CENPH: variants seen among roughly 807,000 people sequenced by gnomAD.
CENPH encodes centromere protein H.
CENPH carries 40 observed loss-of-function variants against 42.9 expected under a neutral mutation model. The observed-to-expected ratio is 0.93, with a 90% CI of 0.72 to 1.21. The LOEUF (loss-of-function observed/expected upper bound fraction) is 1.21, where lower values mean the gene tolerates loss of function less well. CENPH is among the 50% of genes most tolerant of loss of function. The pLI, the probability that CENPH is intolerant of heterozygous loss-of-function variation, is 0.00. For synonymous variants in CENPH, 88 were observed against 96.5 expected (o/e 0.91, Z 0.52); for missense variants, 302 against 292.9 (o/e 1.03, Z -0.23).
chr5:69,204,071 A>AT (rs1418890038), intron 7 of CENPH, among the ~76,000 whole-genome samples: 2 of 56,486 alleles, frequency 3.5e-5, no homozygotes, highest in African/African-American at 7.7e-5. Flanking sequence ...AAATATATAT[A>AT]ATATATAAAT....
chr5:69,204,208 T>C (rs902527237), intron 7 of CENPH, among the ~76,000 whole-genome samples: 1 of 150,338 alleles, frequency 6.7e-6, no homozygotes, highest in South Asian at 2.1e-4. Flanking sequence ...CAATACACAC[T>C]GTAGAACATT....
At chr5:69,208,897 C>T (rs749003228) in intron 8 of CENPH, among the ~76,000 whole-genome samples, 16 of 151,788 alleles carry the variant, frequency 1.1e-4, no homozygotes, top group Non-Finnish European at 1.8e-4. Context: ...TGGGTTCAAG[C>T]GATTCTCCTG....
At chr5:69,192,806 T>A (rs532364913) in intron 2 of CENPH, among the ~76,000 whole-genome samples, 1 of 152,152 alleles carries the variant, frequency 6.6e-6, no homozygotes, top group East Asian at 1.9e-4. Context: ...ATTTAAAAAA[T>A]ATATATATGG....
chr5:69,194,789 C>A lies in CENPH; in HGVS notation c.239+94C>A, dbSNP rs1747936534. 10 of 773,486 alleles carry A rather than the reference C, an allele frequency of 1.3e-5. No individual in the cohort carries two copies. In the South Asian group the frequency reaches 1.8e-4, roughly 14 times the overall value. The allele number at this position is 773,486 out of a possible 1,614,324, so 47.9% of individuals were successfully genotyped here. A position where few individuals can be genotyped will look rare whatever the true frequency, so the allele number is the denominator to read the frequency against. Reference sequence around the variant, plus strand: ...TGTTAGATGGAGTCTCACTATCATGCAGGCTAGAGTGCAGTGGTGTGATCA... The same window carrying A: ...TGTTAGATGGAGTCTCACTATCATGAAGGCTAGAGTGCAGTGGTGTGATCA... On this transcript the variant is annotated intron_variant, in intron 3 of 8. Transcript: ENST00000283006.
chr5:69,206,917 A>G (rs1240634163), intron 7 of CENPH, among the ~76,000 whole-genome samples: 3 of 151,976 alleles, frequency 2.0e-5, no homozygotes, highest in Non-Finnish European at 2.9e-5. Flanking sequence ...GGGTCTTGCT[A>G]TGTTTCCCAG....
chr5:69,192,650 C>T (rs1747895653), intron 2 of CENPH, among the ~76,000 whole-genome samples: 1 of 152,140 alleles, frequency 6.6e-6, no homozygotes, highest in Non-Finnish European at 1.5e-5. Flanking sequence ...TATGGTGATA[C>T]ATACCTATAG....
At position 69,199,510 on chromosome 5, in the gene CENPH, C is replaced by T. The variant is rs1385329894; in HGVS notation, c.371+2401C>T. On this transcript the variant is annotated intron_variant, in intron 5 of 8. Transcript: ENST00000283006. ...GTTTATATAGCAGGGAAGATATGTA[C>T]CCATGTATGGGAAGACAGGAATTAG... 2.6e-5 allele frequency among the ~76,000 whole-genome samples: 4 copies of T among 151,952 alleles called. No individual in the cohort carries two copies. The South Asian group carries it at 6.3e-4, about 24-fold the overall frequency.
At chr5:69,195,072 A>G (rs1245994086) in intron 3 of CENPH, among the ~76,000 whole-genome samples, 1 of 152,108 alleles carries the variant, frequency 6.6e-6, no homozygotes, top group African/African-American at 2.4e-5. Context: ...TCTACTGAAA[A>G]TACAAAATTA....
intron 5 of CENPH, among the ~76,000 whole-genome samples, chr5:69,197,936 T>C (rs1191755727): frequency 1.6e-4 from 22 of 141,208 alleles, no homozygotes; most frequent in African/African-American, 5.8e-4. Context: ...TTTTTTTTTT[T>C]TTTTGAGACA....
Position 69,209,794 on chromosome 5 carries a change from A to G in CENPH, c.739A>G (p.Met247Val). Residue 247 changes from methionine (M) to valine (V), a missense_variant, in exon 9 of 9, where the codon ATG (methionine) becomes GTG (valine). Transcript: ENST00000283006. ...VLQLEKNVDM[M>V] ...GCAGCTTGAGAAGAATGTTGACATGATGTAATAAGAATTCATTTCTGACAT... is the reference window on the plus strand; with the variant it reads ...GCAGCTTGAGAAGAATGTTGACATGGTGTAATAAGAATTCATTTCTGACAT... The G allele has an allele frequency of 6.4e-7, 1 of 1,552,062 alleles. No homozygotes were observed. Among genetic ancestry groups the G allele is most frequent in the Non-Finnish European group, 8.9e-7 (1 of 1,125,726 alleles).
At chr5:69,203,102 A>G in intron 7 of CENPH, 132 bp downstream of exon 7, 1 of 672,154 alleles carries the variant, frequency 1.5e-6, no homozygotes, top group South Asian at 1.8e-5. Flanking sequence ...TTGACATGGC[A>G]ACTTAAAAAG....
intron 8 of CENPH, among the ~76,000 whole-genome samples, chr5:69,208,961 A>C: frequency 8.5e-6 from 1 of 117,540 alleles, no homozygotes; most frequent in South Asian, 3.3e-4. Flanking sequence ...CACCTGGCTA[A>C]TTTTTGTGTT....
rs748436587 is a variant in CENPH at position 69,210,001 on chromosome 5, T to TTTG, written c.*214_*216dup. The TTTG allele has an allele frequency of 5.4e-6, 2 of 367,424 alleles. No homozygotes were observed. The highest frequency in any genetic ancestry group is 4.8e-5 in the Admixed American group (1 of 20,814). 22.8% of individuals were successfully genotyped at this position (367,424 alleles called of 1,614,324 possible). On this transcript the variant is annotated 3_prime_UTR_variant, in exon 9 of 9. Transcript: ENST00000283006. ...TATATTTCTATATTTAGTTTGTTTTTTTGTTGTTGTTGTTTTTTGAGATGG... is the reference window on the plus strand; with the variant it reads ...TATATTTCTATATTTAGTTTGTTTTTTTGTTGTTGTTGTTGTTTTTTGAGATGG...
At chr5:69,198,972 G>A (rs114494871) in intron 5 of CENPH, among the ~76,000 whole-genome samples, 1,523 of 152,036 alleles carry the variant, frequency 0.01, 33 homozygotes, top group African/African-American at 0.036. Flanking sequence ...ACATTCTTGA[G>A]TTAAAGGTGT....
At chr5:69,205,075 C>T (rs1265863426) in intron 7 of CENPH, among the ~76,000 whole-genome samples, 2 of 151,288 alleles carry the variant, frequency 1.3e-5, no homozygotes, top group South Asian at 2.1e-4. Context: ...CCCGCCACCA[C>T]GCCCAGCTAA....
chr5:69,191,800 G>A lies in CENPH; in HGVS notation c.140G>A (p.Arg47Lys). ...EDRMTLLLRLRAQTKQQLLEY... is the reference protein window; with the variant it reads ...EDRMTLLLRLKAQTKQQLLEY... ...TTCTCTTTATCTGTTTTCAGGCTGAGAGCACAGACAAAACAACAACTCTTA... is the reference window on the plus strand; with the variant it reads ...TTCTCTTTATCTGTTTTCAGGCTGAAAGCACAGACAAAACAACAACTCTTA... Residue 47 changes from arginine (R) to lysine (K), a missense_variant, in exon 2 of 9, where the codon AGA becomes AAA. Arg to Lys is a conservative substitution (Grantham distance 26). Transcript: ENST00000283006. 6.4e-7 allele frequency: 1 copy of A among 1,551,486 alleles called. No individual in the cohort carries two copies. The highest frequency in any genetic ancestry group is 8.9e-7 in the Non-Finnish European group (1 of 1,123,850).
At chr5:69,205,772 T>A (rs779082360) in intron 7 of CENPH, among the ~76,000 whole-genome samples, 2 of 131,792 alleles carry the variant, frequency 1.5e-5, no homozygotes, top group Non-Finnish European at 3.1e-5. Context: ...GCAGTGGCAC[T>A]ATCTCAGCTC....
intron 1 of CENPH, among the ~76,000 whole-genome samples, chr5:69,190,763 G>A (rs1444999890): frequency 6.6e-6 from 1 of 152,002 alleles, no homozygotes; most frequent in Non-Finnish European, 1.5e-5. Context: ...GGTGGCGGGC[G>A]CCTGTAATCC....
chr5:69,204,963 G>A (rs1471109433), intron 7 of CENPH, among the ~76,000 whole-genome samples: 31 of 140,720 alleles, frequency 2.2e-4, no homozygotes, highest in African/African-American at 8.3e-4. Context: ...CTGTCGCCCA[G>A]GCTGGAGTGC....
Sources: gnomAD v4.1 joint callset for allele counts (sites outside exome capture counted in the v4.1 genomes callset) on GRCh38, gnomAD v4.1.1 for gene constraint, MANE v1.5 for transcripts, NCBI Gene and HGNC (gene_info 2026-07-23, HGNC 2026-07-21) for gene names.